The following PCDHA12 variants were observed in gnomAD, a reference collection of about 807,000 sequenced individuals.
PCDHA12 encodes protocadherin alpha 12.
Under a neutral mutation model 60.0 loss-of-function variants are expected in PCDHA12, and 44 were observed. That is an observed-to-expected ratio of 0.73 (90% confidence interval 0.58 to 0.94). The LOEUF (loss-of-function observed/expected upper bound fraction) is 0.94. Ranked by LOEUF, PCDHA12 falls within the 40% of genes least tolerant of loss-of-function variation. The pLI, the probability that PCDHA12 is intolerant of heterozygous loss-of-function variation, is 0.00. For synonymous variants in PCDHA12, 569 were observed against 553.0 expected (o/e 1.03, Z -0.40); for missense variants, 1,276 against 1,239.7 (o/e 1.03, Z -0.44).
At chr5:140,966,899 C>T in intron 1 of PCDHA12, 2 of 1,598,372 alleles carry the variant, frequency 1.3e-6, no homozygotes, top group African/African-American at 1.3e-5. Context: ...CTCCCAGCTG[C>T]GATACTCTGT....
In PCDHA12 at chr5:141,010,126, C is replaced by A; in HGVS notation, c.*189C>A. The A allele has an allele frequency of 6.2e-7, 1 of 1,602,364 alleles. No homozygotes were observed. The highest frequency in any genetic ancestry group is 1.1e-5 in the South Asian group (1 of 89,898). ...TTTTGTCGTAAAAGCTTTACTAAGT[C>A]TGGTGTTAACTCTTTCTCTCCACTC... On this transcript the variant is annotated 3_prime_UTR_variant, in exon 4 of 4. Coordinates refer to ENST00000398631, the MANE Select transcript of PCDHA12 (RefSeq NM_018903.4).
intron 1 of PCDHA12, among the ~76,000 whole-genome samples, chr5:140,940,595 G>A (rs1233586288): frequency 2.0e-5 from 3 of 152,100 alleles, no homozygotes; most frequent in East Asian, 1.9e-4. Context: ...TTTCAGGCAT[G>A]AGCCGCTGCT....
At chr5:140,926,519 C>T (rs2083298131) in intron 1 of PCDHA12, 1 of 204,364 alleles carries the variant, frequency 4.9e-6, no homozygotes, top group Non-Finnish European at 9.7e-6. Flanking sequence ...AGGCTCCGCC[C>T]TGCGCCCGCA....
chr5:140,930,098 A>G (rs1345846320), intron 1 of PCDHA12: 1 of 152,124 alleles, frequency 6.6e-6, no homozygotes, highest in Non-Finnish European at 1.5e-5. Flanking sequence ...ATTTATACTG[A>G]TAGGAGATCA....
At chr5:141,001,289 TGAGGCCCA>T (rs1387793441) in intron 3 of PCDHA12, among the ~76,000 whole-genome samples, 1 of 152,150 alleles carries the variant, frequency 6.6e-6, no homozygotes, top group Non-Finnish European at 1.5e-5. Context: ...GGATGAAAAC[TGAGGCCCA>T]GAGATATGAA....
intron 1 of PCDHA12, among the ~76,000 whole-genome samples, chr5:140,887,165 C>T (rs1451761224): frequency 1.3e-5 from 2 of 151,306 alleles, no homozygotes; most frequent in Non-Finnish European, 2.9e-5. Flanking sequence ...GGCGTGATCT[C>T]GGCTCACTGC....
chr5:140,883,238 G>C (rs782322627), intron 1 of PCDHA12: 1 of 1,613,886 alleles, frequency 6.2e-7, no homozygotes, highest in African/African-American at 1.3e-5. Context: ...GGAGGCAGTT[G>C]ACAAAGGAAA....
At chr5:140,941,255 C>CTTTCTTTCTTTCTCTT (rs782490896) in intron 1 of PCDHA12, among the ~76,000 whole-genome samples, 1 of 44,508 alleles carries the variant, frequency 2.2e-5, no homozygotes, top group East Asian at 7.5e-4. Context: ...TTCTTTCTTT[C>CTTTCTTTCTTTCTCTT]TCTTTCTTTC....
intron 3 of PCDHA12, among the ~76,000 whole-genome samples, chr5:140,995,158 A>G (rs1554254485): frequency 6.6e-6 from 1 of 152,180 alleles, no homozygotes; most frequent in African/African-American, 2.4e-5. Flanking sequence ...TATATACATT[A>G]TGTTCTTTCA....
At chr5:140,929,555 C>A in intron 1 of PCDHA12, 1 of 485,752 alleles carries the variant, frequency 2.1e-6, no homozygotes, top group Non-Finnish European at 3.5e-6. Context: ...AAATTAAAAC[C>A]TATTTAAGAA....
intron 1 of PCDHA12, among the ~76,000 whole-genome samples, chr5:140,956,385 T>C (rs1313427005): frequency 6.6e-6 from 1 of 152,198 alleles, no homozygotes; most frequent in Non-Finnish European, 1.5e-5. Flanking sequence ...ATCGAAGGCC[T>C]TTTCTGAATC....
chr5:140,876,023 C>G lies in PCDHA12; in HGVS notation c.551C>G (p.Thr184Arg). The change falls in exon 1 of 4, where the codon ACA (threonine) becomes AGA (arginine). Residue 184 changes from threonine (T) to arginine (R), a missense_variant. By Grantham distance (71) the Thr-to-Arg change is moderately conservative. Transcript: ENST00000398631. Reference sequence around the variant, plus strand: ...GAGAATTTTGAGCTTAAAATAAAAACAAAAAAAGATAAAAGTATATTGCCT... The same window carrying G: ...GAGAATTTTGAGCTTAAAATAAAAAGAAAAAAAGATAAAAGTATATTGCCT... Reference protein sequence around the residue: ...LNENFELKIKTKKDKSILPEL... With the variant: ...LNENFELKIKRKKDKSILPEL... 1 of 1,612,330 alleles carries G rather than the reference C, an allele frequency of 6.2e-7. No individual in the cohort carries two copies. Among genetic ancestry groups the G allele is most frequent in the Non-Finnish European group, 8.5e-7 (1 of 1,179,438 alleles).
At chr5:140,884,307 C>G (rs144612735) in intron 1 of PCDHA12, 1 of 1,613,724 alleles carries the variant, frequency 6.2e-7, no homozygotes. Context: ...CAGGCTTCGT[C>G]GAGGGCGTCG....
At chr5:140,936,311 T>C (rs1451314089) in intron 1 of PCDHA12, among the ~76,000 whole-genome samples, 1 of 152,228 alleles carries the variant, frequency 6.6e-6, no homozygotes, top group African/African-American at 2.4e-5. Flanking sequence ...AATAGAACTT[T>C]CTGACATGCT....
At chr5:140,924,902 A>AAAAAAT (rs1554202311) in intron 1 of PCDHA12, among the ~76,000 whole-genome samples, 400 of 39,066 alleles carry the variant, frequency 0.01, 1 homozygote, top group Middle Eastern at 0.023. Flanking sequence ...CTCAAAAAAA[A>AAAAAAT]AAATAAAATA....
At chr5:140,887,238 C>T (rs1191260946) in intron 1 of PCDHA12, among the ~76,000 whole-genome samples, 11 of 151,856 alleles carry the variant, frequency 7.2e-5, no homozygotes, top group East Asian at 3.9e-4. Flanking sequence ...CTGAGACTAC[C>T]GGCGCCCGCC....
Position 140,877,781 on chromosome 5 carries a change from T to C in PCDHA12, c.2309T>C (p.Met770Thr). The C allele has an allele frequency of 6.2e-7, 1 of 1,614,178 alleles. No individual in the cohort carries two copies. Among genetic ancestry groups the C allele is most frequent in the South Asian group, 1.1e-5 (1 of 91,082 alleles). Reference protein sequence around the residue: ...SAESPPKTDLMAFSPSLQLSR... With the variant: ...SAESPPKTDLTAFSPSLQLSR... ...GAGAGCCCGCCCAAGACGGACCTCA[T>C]GGCCTTCAGCCCAAGCCTTCAGCTG... The change falls in exon 1 of 4, where the codon ATG (methionine) becomes ACG (threonine). Residue 770 changes from methionine (M) to threonine (T), a missense_variant. By Grantham distance (81) the Met-to-Thr change is moderately conservative (BLOSUM62 -1). Transcript: ENST00000398631.
chr5:140,993,539 T>C (rs1433781690), intron 3 of PCDHA12, among the ~76,000 whole-genome samples: 7 of 128,018 alleles, frequency 5.5e-5, no homozygotes, highest in Non-Finnish European at 1.0e-4. Flanking sequence ...GAGAGAGAGA[T>C]AGAGAAGTGA....
At chr5:140,995,452 G>C (rs1400573812) in intron 3 of PCDHA12, among the ~76,000 whole-genome samples, 1 of 152,098 alleles carries the variant, frequency 6.6e-6, no homozygotes, top group African/African-American at 2.4e-5. Context: ...CTTATGAATT[G>C]TTTATTTTTG....
Sources: gnomAD v4.1 joint callset for allele counts (sites outside exome capture counted in the v4.1 genomes callset) on GRCh38, gnomAD v4.1.1 for gene constraint, MANE v1.5 for transcripts, NCBI Gene and HGNC (gene_info 2026-07-23, HGNC 2026-07-21) for gene names.